Variants in ZNF624 observed in about 807,000 individuals in gnomAD.
ZNF624 encodes zinc finger protein 624.
A neutral mutation model predicts 74.7 loss-of-function variants in ZNF624; 43 were observed. The ratio of observed to expected loss-of-function variants is 0.58; its 90% CI spans 0.45 to 0.74. The LOEUF (loss-of-function observed/expected upper bound fraction) is 0.74, where lower values mean the gene tolerates loss of function less well. Among genes scored for constraint, ZNF624 ranks in the 30% least tolerant of loss-of-function variants. ZNF624 has a pLI of 0.00. For synonymous variants in ZNF624, 331 were observed against 341.3 expected (o/e 0.97, Z 0.33); for missense variants, 820 against 1,030.0 (o/e 0.80, Z 2.79).
At chr17:16,649,238 G>A (rs1909662856) in intron 2 of ZNF624, among the ~76,000 whole-genome samples, 1 of 152,182 alleles carries the variant, frequency 6.6e-6, no homozygotes, top group Admixed American at 6.5e-5. Context: ...CACTGAGAGT[G>A]GCACAAGGGG....
At position 16,622,607 on chromosome 17, in the gene ZNF624, G is replaced by C. The variant is rs1174491997; in HGVS notation, c.2279C>G (p.Ala760Gly). 4.3e-6 allele frequency: 7 copies of C among 1,613,972 alleles called. No homozygotes were observed. In the Admixed American group the frequency reaches 8.3e-5, roughly 19 times the overall value. Residue 760 changes from alanine to glycine, a missense_variant, in exon 6 of 6, where the codon GCC becomes GGC. Physicochemically the swap from Ala to Gly is moderately conservative, Grantham distance 60. Coordinates refer to ENST00000311331, the MANE Select transcript of ZNF624 (RefSeq NM_020787.4). ...KPYKCDVCGK[A>G]FRRGSYLTVH... ...TGTAAGGTAAGAACCCCTCCTGAAG[G>C]CTTTTCCACAGACATCACACTTATA...
chr17:16,620,910 C>T lies in ZNF624; in HGVS notation c.*1378G>A, dbSNP rs773730738. The T allele has an allele frequency of 6.6e-6, 1 of 152,134 alleles. No homozygotes were observed. Among genetic ancestry groups the T allele is most frequent in the Admixed American group, 6.5e-5 (1 of 15,280 alleles). 9.4% of individuals were successfully genotyped at this position (152,134 alleles called of 1,614,324 possible). A position where few individuals can be genotyped will look rare whatever the true frequency, so the allele number is the denominator to read the frequency against. The stretch of plus-strand genomic sequence containing the variant: ...TCTCTCTCAAAAGTTCACATAATTA[C>T]ATAATATTACATTTACAGTTTTATA... On this transcript the variant is annotated 3_prime_UTR_variant, in exon 6 of 6. Transcript: ENST00000311331.
At chr17:16,614,514 T>C in the ZNF624 span, among the ~76,000 whole-genome samples, 2 of 152,196 alleles carry the variant, frequency 1.3e-5, no homozygotes, top group Non-Finnish European at 2.9e-5. Context: ...CCTATGTCTA[T>C]CAAATCATTG....
chr17:16,652,813 T>C (rs1449939723), intron 1 of ZNF624, among the ~76,000 whole-genome samples: 1 of 152,184 alleles, frequency 6.6e-6, no homozygotes, highest in African/African-American at 2.4e-5. Flanking sequence ...GCTGGCCACA[T>C]CCCCAGGTTC....
At chr17:16,647,894 A>T (rs1018694020) in intron 2 of ZNF624, among the ~76,000 whole-genome samples, 3 of 152,004 alleles carry the variant, frequency 2.0e-5, no homozygotes, top group African/African-American at 7.2e-5. Context: ...TAGAAACTGT[A>T]TCTCCATGAG....
chr17:16,617,880 A>G (rs965503020), downstream of ZNF624: 8 of 1,594,248 alleles, frequency 5.0e-6, no homozygotes, highest in African/African-American at 1.1e-4. Context: ...GACGCGCGGC[A>G]TGTCCGTGGC....
rs1192142528 is a variant in ZNF624, at chr17:16,624,656, G to A, written c.377-147C>T. On this transcript the variant is annotated intron_variant, in intron 5 of 5. Transcript: ENST00000311331. ...CTGACTTGTTTTTTAGTGAGAAGAA[G>A]GTAGGGTTAAGGGAGGCTGGTTTAG... is the stretch of plus-strand genomic sequence containing the variant. The A allele has an allele frequency of 6.5e-6, 5 of 763,646 alleles. No individual in the cohort carries two copies. The African/African-American group carries it at 9.0e-5, about 14-fold the overall frequency. The allele number at this position is 763,646 out of a possible 1,614,324, so 47.3% of individuals were successfully genotyped here. A position where few individuals can be genotyped will look rare whatever the true frequency, so the allele number is the denominator to read the frequency against.
At chr17:16,636,104 T>C (rs1394725948) in intron 3 of ZNF624, among the ~76,000 whole-genome samples, 1 of 152,210 alleles carries the variant, frequency 6.6e-6, no homozygotes, top group African/African-American at 2.4e-5. Context: ...AGGCTTCCAC[T>C]GGCCAATGAT....
chr17:16,639,435 T>C (rs1248889593), intron 3 of ZNF624, among the ~76,000 whole-genome samples: 1 of 152,134 alleles, frequency 6.6e-6, no homozygotes, highest in Non-Finnish European at 1.5e-5. Flanking sequence ...ACTTGACATG[T>C]GTCTGTAACC....
chr17:16,631,634 G>C (rs1219386814), intron 5 of ZNF624: 1 of 152,246 alleles, frequency 6.6e-6, no homozygotes, highest in African/African-American at 2.4e-5. Flanking sequence ...GAGGCAGGAG[G>C]ATCACTTGAG....
At position 16,649,661 on chromosome 17, in the gene ZNF624, G is replaced by A; in HGVS notation, c.84C>T (p.Arg28=). ...AAAACAGGGAATCCCAACTTACCAGGCGTCCAACTGAGAAAAACACAGCAG... is the reference window on the plus strand; with the variant it reads ...AAAACAGGGAATCCCAACTTACCAGACGTCCAACTGAGAAAAACACAGCAG... ...IMAAVFFSVG[R]LSPEVTQPDE... is the part of the protein sequence containing the mutation. The change falls in exon 2 of 6, where the codon CGC becomes CGT. Residue 28 remains arginine (R), a synonymous_variant. Coordinates refer to ENST00000311331, the MANE Select transcript of ZNF624 (RefSeq NM_020787.4). 6.2e-7 allele frequency: 1 copy of A among 1,613,810 alleles called. No individual in the cohort carries two copies. Among genetic ancestry groups the A allele is most frequent in the Non-Finnish European group, 8.5e-7 (1 of 1,179,788 alleles).
chr17:16,633,898 C>G lies in ZNF624; in HGVS notation c.340G>C (p.Val114Leu). The change falls in exon 5 of 6, where the codon GTG (valine) becomes CTG (leucine). Residue 114 changes from valine (V) to leucine (L), a missense_variant. By Grantham distance (32) the Val-to-Leu change is conservative. Transcript: ENST00000311331. ...ATTCTTGAAATTTCTCTCACCGTCA[C>G]CCATGGTCCTTTCCCATTCTCCAAA... ...SHLENGKGPW[V>L]TVREISRIPY... is the part of the protein sequence containing the mutation. 6.2e-7 allele frequency: 1 copy of G among 1,613,718 alleles called. No homozygotes were observed. The highest frequency in any genetic ancestry group is 8.5e-7 in the Non-Finnish European group (1 of 1,179,738).
At chr17:16,653,537 C>T (rs1269028254) in intron 1 of ZNF624, 1 of 152,372 alleles carries the variant, frequency 6.6e-6, no homozygotes, top group African/African-American at 2.4e-5. Flanking sequence ...TGGACCCGGA[C>T]TAGGAGGCCG....
rs1908950759 is a variant in ZNF624 at position 16,622,660 on chromosome 17, A to G, written c.2226T>C (p.His742=). The change falls in exon 6 of 6, where the codon CAT becomes CAC. Residue 742 remains histidine, a synonymous_variant. Coordinates refer to ENST00000311331, the MANE Select transcript of ZNF624 (RefSeq NM_020787.4). ...AFSQMVHVTE[H]QKIHSGEKPY... ...GCTTCTCTCCACTATGGATTTTCTG[A>G]TGTTCTGTGACATGTACCATCTGGC... The G allele has an allele frequency of 6.2e-7, 1 of 1,613,944 alleles. No homozygotes were observed. Among genetic ancestry groups the G allele is most frequent in the African/African-American group, 1.3e-5 (1 of 74,994 alleles).
Position 16,623,999 on chromosome 17 carries a change from C to T in ZNF624, c.887G>A (p.Arg296Lys). 6.2e-7 allele frequency: 1 copy of T among 1,613,722 alleles called. No homozygotes were observed. The change falls in exon 6 of 6, where the codon AGA (arginine) becomes AAA (lysine). Residue 296 changes from arginine (R) to lysine (K), a missense_variant. Arg to Lys is a conservative substitution (Grantham distance 26). Transcript: ENST00000311331. This position sits in a 1 kb window ranked among gnomAD's most constrained non-coding sequence, Gnocchi z 5.3. ...HYRSLLIQHQ[R>K]THTKEKPYEC... ...ATAAGGTTTTTCTTTAGTATGAGTT[C>T]TTTGATGTTGAATGAGCAATGATCT...
chr17:16,651,421 C>T (rs1394748979), intron 1 of ZNF624, among the ~76,000 whole-genome samples: 1 of 141,958 alleles, frequency 7.0e-6, no homozygotes, highest in Non-Finnish European at 1.5e-5. Context: ...CACAGCGAGA[C>T]TCCATCTCAA....
In ZNF624 at chr17:16,623,979, G is replaced by A; in HGVS notation, c.907C>T (p.Pro303Ser). Residue 303 changes from proline (P) to serine (S), a missense_variant, in exon 6 of 6, where the codon CCT (proline) becomes TCT (serine). By Grantham distance (74) the Pro-to-Ser change is moderately conservative. Coordinates refer to ENST00000311331, the MANE Select transcript of ZNF624 (RefSeq NM_020787.4). The surrounding 1 kb of genome is among the most constrained non-coding windows in gnomAD (Gnocchi z 5.3). ...QHQRTHTKEK[P>S]YECNECGKTF... Reference sequence around the variant, plus strand: ...TTCCCACATTCATTACATTCATAAGGTTTTTCTTTAGTATGAGTTCTTTGA... The same window carrying A: ...TTCCCACATTCATTACATTCATAAGATTTTTCTTTAGTATGAGTTCTTTGA... The A allele has an allele frequency of 6.2e-7, 1 of 1,613,890 alleles. No homozygotes were observed. The highest frequency in any genetic ancestry group is 8.5e-7 in the Non-Finnish European group (1 of 1,180,000).
chr17:16,653,200 G>A (rs1029185226), intron 1 of ZNF624, among the ~76,000 whole-genome samples: 18 of 152,236 alleles, frequency 1.2e-4, no homozygotes, highest in African/African-American at 3.6e-4. Context: ...GTGATTAAAA[G>A]GTGATTACAG....
Position 16,623,474 on chromosome 17 carries a change from G to A in ZNF624, c.1412C>T (p.Pro471Leu), listed in dbSNP as rs772872993. The change falls in exon 6 of 6, where the codon CCT becomes CTT. Residue 471 changes from proline (P) to leucine (L), a missense_variant. Transcript: ENST00000311331. The surrounding 1 kb of genome is among the most constrained non-coding windows in gnomAD (Gnocchi z 5.3). Reference protein sequence around the residue: ...VHQRIHTGEKPFRCNECGKAY... With the variant: ...VHQRIHTGEKLFRCNECGKAY... ...TTTTCCACATTCGTTACATCTAAAA[G>A]GTTTCTCTCCAGTATGAATCCTCTG... 2.5e-6 allele frequency: 4 copies of A among 1,613,684 alleles called. No homozygotes were observed. The highest frequency in any genetic ancestry group is 1.7e-6 in the Non-Finnish European group (2 of 1,179,942).
Sources: gnomAD v4.1 joint callset for allele counts (sites outside exome capture counted in the v4.1 genomes callset) on GRCh38, gnomAD v4.1.1 for gene constraint, Gnocchi (gnomAD v3.1) non-coding constraint, MANE v1.5 for transcripts, NCBI Gene and HGNC (gene_info 2026-07-23, HGNC 2026-07-21) for gene names.